SLC8A3: variants seen among roughly 807,000 people sequenced by gnomAD.
The protein encoded by SLC8A3 is sodium/calcium exchanger 3.
SLC8A3 carries 37 observed loss-of-function variants against 65.4 expected under a neutral mutation model. The ratio of observed to expected loss-of-function variants is 0.57; its 90% CI spans 0.44 to 0.74. The LOEUF is 0.74. Among genes scored for constraint, SLC8A3 ranks in the 30% least tolerant of loss-of-function variants. The pLI is 0.00. For synonymous variants in SLC8A3, 461 were observed against 444.5 expected, an observed-to-expected ratio of 1.04 and a Z score of -0.47; for missense variants, 1,112 against 1,172.1, an observed-to-expected ratio of 0.95 and a Z score of 0.75.
chr14:70,086,997 A>G (rs888647797), intron 2 of SLC8A3, among the ~76,000 whole-genome samples: 4 of 152,234 alleles, frequency 2.6e-5, no homozygotes, highest in African/African-American at 9.6e-5. Context: ...GTGAAGTTCC[A>G]AAGGCCCTGA....
chr14:70,140,225 G>A (rs920814744), intron 2 of SLC8A3, among the ~76,000 whole-genome samples: 9 of 152,046 alleles, frequency 5.9e-5, no homozygotes, highest in East Asian at 3.8e-4. Context: ...AAAGACTTTC[G>A]GAGAAAATGA....
chr14:70,068,160 G>A (rs560328805), intron 2 of SLC8A3, among the ~76,000 whole-genome samples: 1 of 152,218 alleles, frequency 6.6e-6, no homozygotes, highest in African/African-American at 2.4e-5. Context: ...TTCAAATCAG[G>A]CCTCTGATCC....
At chr14:70,109,317 TATATATATACACACACAC>T (rs1414198896) in intron 2 of SLC8A3, among the ~76,000 whole-genome samples, 1 of 148,660 alleles carries the variant, frequency 6.7e-6, no homozygotes. Flanking sequence ...ATATACACAT[TATATATATACACACACAC>T]ATATATATAC....
intron 2 of SLC8A3, among the ~76,000 whole-genome samples, chr14:70,075,384 C>T (rs1431417096): frequency 2.0e-5 from 3 of 152,248 alleles, no homozygotes; most frequent in East Asian, 3.9e-4. Context: ...CCATAGGCCG[C>T]GTATCCTTCT....
chr14:70,145,670 G>A (rs1397419976), intron 2 of SLC8A3, among the ~76,000 whole-genome samples: 2 of 152,072 alleles, frequency 1.3e-5, no homozygotes, highest in African/African-American at 4.8e-5. Flanking sequence ...GTTTTCCTTT[G>A]GGGAAATAAA....
chr14:70,054,668 G>T (rs980946774), intron 3 of SLC8A3, among the ~76,000 whole-genome samples: 3 of 152,064 alleles, frequency 2.0e-5, no homozygotes, highest in Admixed American at 6.5e-5. Flanking sequence ...CCCTTATTTT[G>T]TTGGTATAAA....
intron 2 of SLC8A3, among the ~76,000 whole-genome samples, chr14:70,114,297 G>C (rs139102067): frequency 6.6e-6 from 1 of 152,166 alleles, no homozygotes; most frequent in African/African-American, 2.4e-5. Context: ...TTTGGTTCAA[G>C]CTTCTCATTT....
chr14:70,063,743 G>T, intron 2 of SLC8A3: 1 of 771,500 alleles, frequency 1.3e-6, no homozygotes, highest in Non-Finnish European at 2.2e-6. Flanking sequence ...AAGAGGAGGA[G>T]GAGACAAATG....
intron 1 of SLC8A3, among the ~76,000 whole-genome samples, chr14:70,182,022 A>T (rs1185965493): frequency 1.3e-5 from 2 of 152,186 alleles, no homozygotes; most frequent in Non-Finnish European, 2.9e-5. Context: ...TTTATACAAG[A>T]GGTGATAAAA....
At chr14:70,158,870 T>C (rs1896727174) in intron 2 of SLC8A3, among the ~76,000 whole-genome samples, 1 of 152,242 alleles carries the variant, frequency 6.6e-6, no homozygotes, top group Non-Finnish European at 1.5e-5. Flanking sequence ...ATGATAACTC[T>C]CATGCCATCT....
At chr14:70,057,330 ATAGATAGG>A (rs1254540536) in intron 3 of SLC8A3, among the ~76,000 whole-genome samples, 1 of 150,986 alleles carries the variant, frequency 6.6e-6, no homozygotes, top group Non-Finnish European at 1.5e-5. Context: ...AGATAGATAG[ATAGATAGG>A]CAAGAGCTTG....
At chr14:70,128,341 C>T (rs1894614962) in intron 2 of SLC8A3, among the ~76,000 whole-genome samples, 1 of 152,130 alleles carries the variant, frequency 6.6e-6, no homozygotes, top group Admixed American at 6.5e-5. Context: ...TCTGTGGTTG[C>T]TTTATTGCCT....
At position 70,048,899 on chromosome 14, in the gene SLC8A3, C is replaced by A; in HGVS notation, c.2257G>T (p.Ala753Ser). 1.2e-6 allele frequency: 2 copies of A among 1,614,116 alleles called. No individual in the cohort carries two copies. Among genetic ancestry groups the A allele is most frequent in the South Asian group, 2.2e-5 (2 of 91,066 alleles). ...TEYCHGWACF[A>S]VSILIIGMLT... ...ATGCCAATGATGAGGATGGAGACGG[C>A]GAAGCAGGCCCAGCCGTGGCAGTAC... Residue 753 changes from alanine (A) to serine (S), a missense_variant, in exon 6 of 7, where the codon GCC (alanine) becomes TCC (serine). Transcript: ENST00000356921.
At chr14:70,088,935 C>A (rs992353218) in intron 2 of SLC8A3, among the ~76,000 whole-genome samples, 2 of 152,170 alleles carry the variant, frequency 1.3e-5, no homozygotes, top group African/African-American at 2.4e-5. Flanking sequence ...CTAAAACTCT[C>A]ATATATTGGC....
In SLC8A3 at chr14:70,048,791, C is replaced by A; in HGVS notation, c.2365G>T (p.Val789Leu). The A allele has an allele frequency of 6.2e-7, 1 of 1,613,990 alleles. No individual in the cohort carries two copies. The change falls in exon 6 of 7, where the codon GTG becomes TTG. Residue 789 changes from valine (V) to leucine (L), a missense_variant. Physicochemically the swap from Val to Leu is conservative, Grantham distance 32. Transcript: ENST00000356921. ...CCTGGGACAGAGGTGCCAAATGCCA[C>A]GAAAACAACAGCTGTGACTGAATCT... ...LKDSVTAVVF[V>L]AFGTSVPDTF...
intron 2 of SLC8A3, among the ~76,000 whole-genome samples, chr14:70,126,563 C>CAA (rs1894458640): frequency 2.8e-5 from 3 of 106,184 alleles, no homozygotes; most frequent in African/African-American, 1.1e-4. Flanking sequence ...CTCTCTCTCT[C>CAA]TCTCTCTCAC....
chr14:70,175,152 C>T (rs1287075573), intron 1 of SLC8A3, among the ~76,000 whole-genome samples: 2 of 152,130 alleles, frequency 1.3e-5, no homozygotes, highest in African/African-American at 4.8e-5. Context: ...CATCAGCAGG[C>T]CTCCGTCTCC....
intron 2 of SLC8A3, among the ~76,000 whole-genome samples, chr14:70,132,235 G>T (rs1894885505): frequency 6.6e-6 from 1 of 152,164 alleles, no homozygotes. Flanking sequence ...ACCAAACTAA[G>T]AAATAAAAGC....
At chr14:70,101,294 C>G (rs1892534517) in intron 2 of SLC8A3, among the ~76,000 whole-genome samples, 1 of 152,002 alleles carries the variant, frequency 6.6e-6, no homozygotes, top group Non-Finnish European at 1.5e-5. Context: ...CTGACTGAAC[C>G]AGGAATGGCC....
Sources: gnomAD v4.1 joint callset for allele counts (sites outside exome capture counted in the v4.1 genomes callset) on GRCh38, gnomAD v4.1.1 for gene constraint, MANE v1.5 for transcripts, NCBI Gene and HGNC (gene_info 2026-07-23, HGNC 2026-07-21) for gene names.